The following NRCAM variants were observed in gnomAD, a reference collection of about 807,000 sequenced individuals.
NRCAM encodes neuronal cell adhesion molecule.
In NRCAM, 83 loss-of-function variants were observed where a neutral mutation model predicts 156.5. The observed-to-expected ratio is 0.53, with a 90% CI of 0.44 to 0.64. The LOEUF (loss-of-function observed/expected upper bound fraction) is 0.64, where lower values mean the gene tolerates loss of function less well. Among genes scored for constraint, NRCAM ranks in the 30% least tolerant of loss-of-function variants. NRCAM has a pLI of 0.00. For missense variants in NRCAM, 1,417 were observed against 1,597.3 expected (o/e 0.89, Z 1.92); for synonymous variants, 538 against 563.9 (o/e 0.95, Z 0.65).
At position 108,386,134 on chromosome 7, in the gene NRCAM, T is replaced by C. The variant is rs991705307; in HGVS notation, c.-174+13302A>G. On this transcript the variant is annotated intron_variant, in intron 2 of 32. Transcript: ENST00000379028. ...ATGAAAGGAAAACTATACAGACATG[T>C]TTTATGAAGGAAGGATAGATCATCT... Among the ~76,000 whole-genome samples, 4 of 152,084 alleles carry C rather than the reference T, an allele frequency of 2.6e-5. No homozygotes were observed. The East Asian group carries it at 7.7e-4, about 29-fold the overall frequency.
At chr7:108,430,702 G>C (rs752836324) in intron 1 of NRCAM, among the ~76,000 whole-genome samples, 1 of 152,132 alleles carries the variant, frequency 6.6e-6, no homozygotes, top group Non-Finnish European at 1.5e-5. Flanking sequence ...CTCTTTGCCT[G>C]TGAATATTCT....
In NRCAM at chr7:108,182,730, T is replaced by G; in HGVS notation, c.2495A>C (p.Glu832Ala). The change falls in exon 23 of 33, where the codon GAG becomes GCG. Residue 832 changes from glutamate to alanine, a missense_variant. By Grantham distance (107) the Glu-to-Ala change is moderately radical. Coordinates refer to ENST00000379028, the MANE Select transcript of NRCAM (RefSeq NM_001037132.4). ...QALNDMGFAP[E>A]PAVVMGHSGE... Reference sequence around the variant, plus strand: ...AGAATGTCCCATGACTACAGCTGGCTCGGGGGCAAACCCCATGTCATTCAG... The same window carrying G: ...AGAATGTCCCATGACTACAGCTGGCGCGGGGGCAAACCCCATGTCATTCAG... The G allele has an allele frequency of 6.2e-7, 1 of 1,614,218 alleles. No individual in the cohort carries two copies. Among genetic ancestry groups the G allele is most frequent in the Non-Finnish European group, 8.5e-7 (1 of 1,180,042 alleles).
At chr7:108,439,061 A>G (rs924913538) in intron 1 of NRCAM, among the ~76,000 whole-genome samples, 5 of 152,184 alleles carry the variant, frequency 3.3e-5, no homozygotes, top group Non-Finnish European at 7.4e-5. Flanking sequence ...TATTGATTTA[A>G]TGTACTACCT....
At chr7:108,445,264 T>C (rs1842968533) in intron 1 of NRCAM, among the ~76,000 whole-genome samples, 1 of 152,228 alleles carries the variant, frequency 6.6e-6, no homozygotes, top group African/African-American at 2.4e-5. Flanking sequence ...GCCGACAGCT[T>C]TGCTGACTCT....
intron 1 of NRCAM, among the ~76,000 whole-genome samples, chr7:108,404,591 T>G (rs1332617391): frequency 6.6e-6 from 1 of 152,216 alleles, no homozygotes; most frequent in Non-Finnish European, 1.5e-5. Context: ...CTGACCCATA[T>G]GCAGGCAAAA....
intron 11 of NRCAM, among the ~76,000 whole-genome samples, chr7:108,210,220 A>T (rs2083348012): frequency 6.6e-6 from 1 of 151,624 alleles, no homozygotes; most frequent in South Asian, 2.1e-4. Context: ...CTTAGGTATT[A>T]CTCATACCAT....
intron 3 of NRCAM, among the ~76,000 whole-genome samples, chr7:108,242,040 G>A (rs139052714): frequency 4.6e-5 from 7 of 151,884 alleles, no homozygotes; most frequent in African/African-American, 1.5e-4. Flanking sequence ...TTGGGAGGCC[G>A]AAGCGGGTGG....
chr7:108,379,486 T>C (rs1301816359), intron 2 of NRCAM, among the ~76,000 whole-genome samples: 3 of 152,132 alleles, frequency 2.0e-5, no homozygotes, highest in Admixed American at 1.3e-4. Flanking sequence ...ATTTGTTTAA[T>C]GGGTCTAGCA....
intron 13 of NRCAM, among the ~76,000 whole-genome samples, chr7:108,205,385 A>C (rs977305038): frequency 1.3e-5 from 2 of 152,242 alleles, no homozygotes; most frequent in African/African-American, 2.4e-5. Flanking sequence ...GAATGGACTA[A>C]GATGGCTGGT....
chr7:108,402,503 A>C (rs1369107560), intron 1 of NRCAM, among the ~76,000 whole-genome samples: 2 of 152,366 alleles, frequency 1.3e-5, no homozygotes, highest in African/African-American at 2.4e-5. Flanking sequence ...GAAACAGAAG[A>C]GTGGTATTAA....
At chr7:108,268,055 C>T (rs1025177207) in intron 3 of NRCAM, among the ~76,000 whole-genome samples, 3 of 107,856 alleles carry the variant, frequency 2.8e-5, no homozygotes, top group African/African-American at 6.8e-5. Flanking sequence ...AATTCATTTA[C>T]ACGGCATTTC....
At position 108,166,947 on chromosome 7, in the gene NRCAM, G is replaced by C. The variant is rs1563221395; in HGVS notation, c.3440C>G (p.Ser1147Ter). Reference protein sequence around the residue: ...GAVGDSGFVSSEDVFETGPAM... With the variant: ...GAVGDSGFVS Reference sequence around the variant, plus strand: ...TGGGCCTGTCTCAAACACATCCTCTGAACTCACAAAACCAGAGTCCCCCAC... The same window carrying C: ...TGGGCCTGTCTCAAACACATCCTCTCAACTCACAAAACCAGAGTCCCCCAC... The change falls in exon 30 of 33, where the codon TCA becomes TGA. Residue 1147 changes from serine (S) to a stop codon, truncating the protein, a stop_gained. Transcript: ENST00000379028. LOFTEE classifies it high-confidence loss of function. 1.2e-6 allele frequency: 2 copies of C among 1,613,866 alleles called. No homozygotes were observed. The highest frequency in any genetic ancestry group is 4.5e-5 in the East Asian group (2 of 44,852).
At chr7:108,455,915 TG>T (rs1214833359) in intron 1 of NRCAM, among the ~76,000 whole-genome samples, 1 of 152,040 alleles carries the variant, frequency 6.6e-6, no homozygotes, top group Non-Finnish European at 1.5e-5. Flanking sequence ...CCGGAAAGCG[TG>T]GGGTGCGGGC....
chr7:108,391,038 A>G (rs540856004), intron 2 of NRCAM, among the ~76,000 whole-genome samples: 3 of 152,188 alleles, frequency 2.0e-5, no homozygotes, highest in Non-Finnish European at 4.4e-5. Flanking sequence ...GCTGAGAAGA[A>G]TGTATATTCT....
chr7:108,150,213 C>A, intron 32 of NRCAM, 66 bp from the exon 33 acceptor site: 1 of 1,310,526 alleles, frequency 7.6e-7, no homozygotes, highest in Non-Finnish European at 1.1e-6. Context: ...TTTTTAAAGA[C>A]CATGCATGCA....
chr7:108,420,039 C>CGTGCGTGT (rs1554628636), intron 1 of NRCAM, among the ~76,000 whole-genome samples: 8 of 146,640 alleles, frequency 5.5e-5, no homozygotes, highest in African/African-American at 2.0e-4. Context: ...TTAGTTCCAT[C>CGTGCGTGT]GTGTGTGTGT....
chr7:108,375,380 C>G (rs570013594), intron 2 of NRCAM, among the ~76,000 whole-genome samples: 103 of 152,234 alleles, frequency 6.8e-4, no homozygotes, highest in African/African-American at 2.5e-3. Context: ...CTTCAAGGAT[C>G]TGTCACAACT....
At chr7:108,430,214 A>G (rs1245332471) in intron 1 of NRCAM, among the ~76,000 whole-genome samples, 2 of 150,598 alleles carry the variant, frequency 1.3e-5, no homozygotes, top group East Asian at 3.9e-4. Flanking sequence ...GGTTGGTATT[A>G]AAGTTATTTA....
rs1343405185 is a variant in NRCAM, at chr7:108,215,730, CCTT to C, written c.891-6128_891-6126del. On this transcript the variant is annotated intron_variant, in intron 11 of 32. Transcript: ENST00000379028. Reference sequence around the variant, plus strand: ...TATCAGACTACAACTGCAACCCCTGCCTTTTTTTTTTTTTTTTGCTTTTCATTT... The same window carrying C: ...TATCAGACTACAACTGCAACCCCTGCTTTTTTTTTTTTTTGCTTTTCATTT... Among the ~76,000 whole-genome samples the C allele has an allele frequency of 4.5e-3, 313 of 69,728 alleles. 2 individuals carry two copies. The highest frequency in any genetic ancestry group is 0.017 in the African/African-American group (303 of 17,406). The allele number at this position is 69,728 out of a possible 152,430, so 45.7% of individuals were successfully genotyped here. A position where few individuals can be genotyped will look rare whatever the true frequency, so the allele number is the denominator to read the frequency against.
Sources: allele counts gnomAD v4.1 joint callset (sites outside exome capture counted in the v4.1 genomes callset), GRCh38; gene constraint gnomAD v4.1.1; transcripts MANE v1.5; gene names NCBI Gene and HGNC (gene_info 2026-07-23, HGNC 2026-07-21).